ITIH5: variants seen among roughly 807,000 people sequenced by gnomAD.
ITIH5 encodes inter-alpha-trypsin inhibitor heavy chain 5, also known as inter-alpha-trypsin inhibitor heavy chain H5.
A neutral mutation model predicts 77.5 loss-of-function variants in ITIH5; 65 were observed. The observed-to-expected ratio is 0.84, with a 90% CI of 0.69 to 1.03. The LOEUF is 1.03. Among genes scored for constraint, ITIH5 ranks in the 50% least tolerant of loss-of-function variants. The pLI, the probability that ITIH5 is intolerant of heterozygous loss-of-function variation, is 0.00. For missense variants in ITIH5, 1,208 were observed against 1,213.1 expected (o/e 1.00, Z 0.06); for synonymous variants, 525 against 494.3 (o/e 1.06, Z -0.82).
At chr10:7,605,280 C>T (rs1833100697) in intron 7 of ITIH5, among the ~76,000 whole-genome samples, 1 of 151,456 alleles carries the variant, frequency 6.6e-6, no homozygotes, top group African/African-American at 2.4e-5. Context: ...CTCATGCCAC[C>T]CACTCGATTA....
chr10:7,655,513 T>C, intron 2 of ITIH5, 118 bp downstream of exon 2: 1 of 781,346 alleles, frequency 1.3e-6, no homozygotes, highest in South Asian at 1.7e-5. Flanking sequence ...CATCTCAGAA[T>C]TTTTCTACAA....
intron 2 of ITIH5, among the ~76,000 whole-genome samples, chr10:7,644,695 C>CATAT (rs1254213721): frequency 7.0e-5 from 8 of 113,798 alleles, no homozygotes; most frequent in East Asian, 4.4e-4. Flanking sequence ...ATATATATCA[C>CATAT]ATATCTATAT....
At chr10:7,616,344 A>C (rs961132499) in intron 6 of ITIH5, among the ~76,000 whole-genome samples, 2 of 152,190 alleles carry the variant, frequency 1.3e-5, no homozygotes, top group Middle Eastern at 3.2e-3. Context: ...GTTCAAGTTT[A>C]ATTATCCATC....
rs552441348 is a variant in ITIH5 at position 7,647,334 on chromosome 10, G to A, written c.136-5244C>T. On this transcript the variant is annotated intron_variant, in intron 2 of 13. Coordinates refer to ENST00000397146, the MANE Select transcript of ITIH5 (RefSeq NM_030569.7). ...CTGCTACAATGGCAGGAAAAACATG[G>A]AGAATAATTCAGCTGAGCCCAGCTG... 1.6e-4 allele frequency among the ~76,000 whole-genome samples: 25 copies of A among 152,294 alleles called. 1 individual carries two copies. The East Asian group carries it at 4.8e-3, about 29-fold the overall frequency.
chr10:7,569,807 A>G (rs1478294757), intron 11 of ITIH5, 23 bp from the exon 12 acceptor site: 1 of 1,475,048 alleles, frequency 6.8e-7, no homozygotes, highest in East Asian at 2.3e-5. Context: ...AAGAAAACGG[A>G]GAGAAAAAGA....
chr10:7,591,382 C>T (rs1256961135), intron 7 of ITIH5, among the ~76,000 whole-genome samples: 2 of 152,146 alleles, frequency 1.3e-5, no homozygotes, highest in East Asian at 3.9e-4. Flanking sequence ...TGCCCTCCTT[C>T]CCCGCCTTCC....
Position 7,636,920 on chromosome 10 carries a change from A to G in ITIH5, c.652+308T>C, listed in dbSNP as rs1488945455. ...TACAAAATTAGCCGGGTGTGGTGGC[A>G]CATGCCTGTAATCCCAGCTACTCAG... is the stretch of plus-strand genomic sequence containing the variant. On this transcript the variant is annotated intron_variant, in intron 5 of 13. Coordinates refer to ENST00000397146, the MANE Select transcript of ITIH5 (RefSeq NM_030569.7). Among the ~76,000 whole-genome samples the G allele has an allele frequency of 2.6e-5, 4 of 152,220 alleles. No individual in the cohort carries two copies. In the East Asian group the frequency reaches 5.8e-4, roughly 22 times the overall value.
In ITIH5 at chr10:7,563,100, T is replaced by C. The variant is rs149848698; in HGVS notation, c.2812A>G (p.Met938Val). ...TGCCAGCTTCAGAGCTCCCTGGACA[T>C]TCCCCGGCCAAGTGTCATCCCTGTG... ...FDTGMTLGRG[M>V]SREL Residue 938 changes from methionine (M) to valine (V), a missense_variant, in exon 14 of 14, where the codon ATG becomes GTG. Physicochemically the swap from Met to Val is conservative, Grantham distance 21. Coordinates refer to ENST00000397146, the MANE Select transcript of ITIH5 (RefSeq NM_030569.7). The C allele has an allele frequency of 9.9e-6, 16 of 1,610,644 alleles. No individual in the cohort carries two copies. In the Admixed American group the frequency reaches 1.2e-4, roughly 12 times the overall value.
intron 9 of ITIH5, chr10:7,578,190 T>C (rs762019945): frequency 1.3e-4 from 21 of 160,816 alleles, no homozygotes; most frequent in Non-Finnish European, 2.6e-4. Flanking sequence ...GAGCAGGATC[T>C]AGCCTGTTAC....
intron 4 of ITIH5, 55 bp downstream of exon 4, chr10:7,640,699 A>C: frequency 1.8e-6 from 2 of 1,118,122 alleles, no homozygotes; most frequent in Non-Finnish European, 2.7e-6. Flanking sequence ...AAGGCATAGA[A>C]AATGTGGCAC....
At chr10:7,595,666 T>C (rs184656348) in intron 7 of ITIH5, among the ~76,000 whole-genome samples, 60 of 152,384 alleles carry the variant, frequency 3.9e-4, no homozygotes, top group South Asian at 6.2e-4. Context: ...GTAAGTCCTT[T>C]AATTTCTTTC....
intron 7 of ITIH5, among the ~76,000 whole-genome samples, chr10:7,613,366 A>G (rs1318031824): frequency 2.0e-5 from 3 of 152,240 alleles, no homozygotes; most frequent in East Asian, 1.9e-4. Flanking sequence ...ATCAGCCACT[A>G]TAAGAGAAAG....
rs118167495 is a variant in ITIH5 at position 7,652,856 on chromosome 10, G to A, written c.135+2775C>T. Among the ~76,000 whole-genome samples, 509 of 152,070 alleles carry A rather than the reference G, an allele frequency of 3.3e-3. 2 individuals carry two copies. The highest frequency in any genetic ancestry group is 6.0e-3 in the Non-Finnish European group (405 of 67,976). ...AGGTCTCTGATAAATTGACAATGAG[G>A]TGGATAAAAAACACAATAGAAAGAT... On this transcript the variant is annotated intron_variant, in intron 2 of 13. Transcript: ENST00000397146.
At position 7,576,907 on chromosome 10, in the gene ITIH5, G is replaced by A. The variant is rs368618147; in HGVS notation, c.1524C>T (p.Asn508=). The change falls in exon 10 of 14, where the codon AAC becomes AAT. Residue 508 remains asparagine (N), a synonymous_variant. Coordinates refer to ENST00000397146, the MANE Select transcript of ITIH5 (RefSeq NM_030569.7). ...ATKTLFPNYF[N]GSEIIIAGKL... ...TCCCCGCAATGATGATCTCCGAGCC[G>A]TTGAAGTAGTTGGGGAACAGGGTCT... is the stretch of plus-strand genomic sequence containing the variant. The A allele has an allele frequency of 2.8e-5, 46 of 1,614,170 alleles. No individual in the cohort carries two copies. The highest frequency in any genetic ancestry group is 1.3e-4 in the Admixed American group (8 of 60,020).
intron 8 of ITIH5, among the ~76,000 whole-genome samples, chr10:7,582,669 G>C (rs907740980): frequency 6.6e-6 from 1 of 152,156 alleles, no homozygotes; most frequent in African/African-American, 2.4e-5. Flanking sequence ...AAAAGAATGA[G>C]ATCTTGTCAT....
intron 7 of ITIH5, chr10:7,600,576 T>C (rs1361305661): frequency 2.2e-6 from 1 of 456,656 alleles, no homozygotes; most frequent in African/African-American, 2.0e-5. Context: ...CTAGAAGAGA[T>C]GATTGGGAAA....
Position 7,640,738 on chromosome 10 carries a change from A to T in ITIH5, c.401+16T>A. The T allele has an allele frequency of 6.4e-7, 1 of 1,557,708 alleles. No individual in the cohort carries two copies. Among genetic ancestry groups the T allele is most frequent in the East Asian group, 2.2e-5 (1 of 44,592 alleles). ...GCTAAAATGGGTTTTTAATTCCTTA[A>T]TTAACCAATACTTACCCATTTTCTT... On this transcript the variant is annotated intron_variant, in intron 4 of 13. Coordinates refer to ENST00000397146, the MANE Select transcript of ITIH5 (RefSeq NM_030569.7).
At chr10:7,565,644 G>GTA (rs1005918429) in intron 13 of ITIH5, among the ~76,000 whole-genome samples, 1 of 147,308 alleles carries the variant, frequency 6.8e-6, no homozygotes, top group Admixed American at 6.8e-5. Context: ...TGTATAGACT[G>GTA]TATATATATA....
intron 7 of ITIH5, among the ~76,000 whole-genome samples, chr10:7,603,477 G>C (rs1833056060): frequency 6.6e-6 from 1 of 152,168 alleles, no homozygotes; most frequent in Non-Finnish European, 1.5e-5. Flanking sequence ...AGTGGTGATG[G>C]TTTCACAACT....
Sources: allele counts gnomAD v4.1 joint callset (sites outside exome capture counted in the v4.1 genomes callset), GRCh38; gene constraint gnomAD v4.1.1; transcripts MANE v1.5; gene names NCBI Gene and HGNC (gene_info 2026-07-23, HGNC 2026-07-21).